CCDC102B: variants seen among roughly 807,000 people sequenced by gnomAD.
The protein encoded by CCDC102B is coiled-coil domain containing 102B.
CCDC102B carries 75 observed loss-of-function variants against 57.4 expected under a neutral mutation model. The ratio of observed to expected loss-of-function variants is 1.31; its 90% confidence interval spans 1.08 to 1.58. The LOEUF (loss-of-function observed/expected upper bound fraction) is 1.58. Ranked by LOEUF, CCDC102B falls within the 40% of genes most tolerant of loss-of-function variation. The probability of loss-of-function intolerance (pLI) is 0.00; values close to 1 mark genes in which losing one functional copy is unlikely to be tolerated. For synonymous variants in CCDC102B, 206 were observed against 201.9 expected, an observed-to-expected ratio of 1.02 and a Z score of -0.17; for missense variants, 636 against 582.6, an observed-to-expected ratio of 1.09 and a Z score of -0.94.
intron 6 of CCDC102B, among the ~76,000 whole-genome samples, chr18:68,958,350 T>C (rs2049960733): frequency 6.6e-6 from 1 of 152,218 alleles, no homozygotes; most frequent in Non-Finnish European, 1.5e-5. Flanking sequence ...TTGTCTTTCA[T>C]TCTGTTGATA....
At chr18:68,967,222 G>C (rs17079986) in intron 6 of CCDC102B, among the ~76,000 whole-genome samples, 5 of 152,012 alleles carry the variant, frequency 3.3e-5, no homozygotes, top group Admixed American at 1.3e-4. Flanking sequence ...GAAGCATATA[G>C]AGACTCTCTA....
chr18:68,870,804 G>T (rs1398664375), intron 4 of CCDC102B, among the ~76,000 whole-genome samples: 1 of 152,108 alleles, frequency 6.6e-6, no homozygotes, highest in Non-Finnish European at 1.5e-5. Context: ...GTAGAACTTT[G>T]GAGTCTGCAT....
At chr18:69,053,155 G>A (rs2052749668) in intron 7 of CCDC102B, among the ~76,000 whole-genome samples, 1 of 151,782 alleles carries the variant, frequency 6.6e-6, no homozygotes, top group Non-Finnish European at 1.5e-5. Flanking sequence ...GCATAGTAAT[G>A]CAGTGCTATA....
intron 6 of CCDC102B, among the ~76,000 whole-genome samples, chr18:68,902,015 G>A (rs1366758514): frequency 6.6e-6 from 1 of 152,178 alleles, no homozygotes; most frequent in African/African-American, 2.4e-5. Flanking sequence ...GCTTCCAGGT[G>A]ACACTGATTC....
At chr18:69,030,645 C>T (rs1307656852) in intron 7 of CCDC102B, among the ~76,000 whole-genome samples, 6 of 152,052 alleles carry the variant, frequency 3.9e-5, no homozygotes, top group Non-Finnish European at 7.4e-5. Context: ...TTCTCATTAA[C>T]AAATGAGTAT....
intron 2 of CCDC102B, among the ~76,000 whole-genome samples, chr18:68,779,202 G>A (rs1286832690): frequency 6.6e-6 from 1 of 152,042 alleles, no homozygotes; most frequent in Admixed American, 6.6e-5. Flanking sequence ...GCATACACAC[G>A]TGTTTGTGTT....
chr18:69,053,419 T>C (rs1474234216), intron 7 of CCDC102B, among the ~76,000 whole-genome samples: 1 of 151,730 alleles, frequency 6.6e-6, no homozygotes. Context: ...ACACAAGTTA[T>C]AGTTCAGTGA....
intron 7 of CCDC102B, among the ~76,000 whole-genome samples, chr18:69,017,282 T>A (rs983602782): frequency 7.3e-5 from 11 of 151,396 alleles, no homozygotes; most frequent in Non-Finnish European, 1.3e-4. Context: ...TGCCTGGCTA[T>A]TTTTTTTGTG....
chr18:68,849,446 A>G (rs990528433), intron 4 of CCDC102B, among the ~76,000 whole-genome samples: 1 of 151,986 alleles, frequency 6.6e-6, no homozygotes, highest in Non-Finnish European at 1.5e-5. Context: ...TCCAAACTGG[A>G]TCTCACATCA....
At chr18:68,919,755 T>G (rs1384412510) in intron 6 of CCDC102B, among the ~76,000 whole-genome samples, 2 of 152,202 alleles carry the variant, frequency 1.3e-5, no homozygotes, top group Non-Finnish European at 2.9e-5. Flanking sequence ...CTTTATTTAC[T>G]AAAGGTGGTA....
chr18:68,811,838 G>T (rs2036278470), intron 1 of CCDC102B, among the ~76,000 whole-genome samples: 1 of 152,164 alleles, frequency 6.6e-6, no homozygotes, highest in South Asian at 2.1e-4. Flanking sequence ...GAGGTAGGGA[G>T]AAAAACTGGA....
intron 2 of CCDC102B, among the ~76,000 whole-genome samples, chr18:68,721,850 AAG>A (rs2145186335): frequency 6.6e-6 from 1 of 152,334 alleles, no homozygotes; most frequent in African/African-American, 2.4e-5. Flanking sequence ...GCAAAAGCGA[AAG>A]TAAGTTCTGA....
intron 6 of CCDC102B, among the ~76,000 whole-genome samples, chr18:68,928,302 A>G (rs564629371): frequency 8.6e-5 from 13 of 151,994 alleles, no homozygotes; most frequent in Non-Finnish European, 1.3e-4. Flanking sequence ...GTGGCAAACA[A>G]TCTTATGGGA....
At chr18:68,910,925 A>G (rs1044032493) in intron 6 of CCDC102B, among the ~76,000 whole-genome samples, 9 of 72,364 alleles carry the variant, frequency 1.2e-4, no homozygotes, top group Middle Eastern at 7.1e-3. Flanking sequence ...AAAAGGGGGA[A>G]AAAAAAAAAA....
intron 6 of CCDC102B, among the ~76,000 whole-genome samples, chr18:68,960,518 C>T (rs1568355369): frequency 1.3e-5 from 2 of 152,242 alleles, no homozygotes; most frequent in South Asian, 2.1e-4. Context: ...ATCCCAGTGG[C>T]GTTTCACGGA....
At position 69,011,000 on chromosome 18, in the gene CCDC102B, C is replaced by G. The variant is rs372067014; in HGVS notation, c.1330C>G (p.Leu444Val). ...NRQYQANIAE[L>V]THANNRVDQN... is the part of the protein sequence containing the mutation. ...ACAATACCAGGCAAATATTGCAGAA[C>G]TGACTCATGCAAACAACCGAGTGGA... Residue 444 changes from leucine to valine, a missense_variant, in exon 7 of 8, where the codon CTG becomes GTG. Coordinates refer to ENST00000360242, the MANE Select transcript of CCDC102B (RefSeq NM_024781.3). 4 of 1,613,554 alleles carry G rather than the reference C, an allele frequency of 2.5e-6. No homozygotes were observed. The highest frequency in any genetic ancestry group is 2.2e-5 in the East Asian group (1 of 44,862).
chr18:68,765,324 G>GAAAGAAAGAAAAGAAAGAAA (rs2034407001), intron 2 of CCDC102B, among the ~76,000 whole-genome samples: 2 of 60,332 alleles, frequency 3.3e-5, no homozygotes, highest in African/African-American at 1.2e-4. Context: ...AAGGAAGGAA[G>GAAAGAAAGAAAAGAAAGAAA]GAAAGAAAGA....
intron 6 of CCDC102B, among the ~76,000 whole-genome samples, chr18:68,919,058 G>A (rs1315306508): frequency 6.6e-6 from 1 of 151,948 alleles, no homozygotes; most frequent in Non-Finnish European, 1.5e-5. Flanking sequence ...TTCTGTATCT[G>A]TGTTGAAGAA....
At chr18:68,939,162 A>G (rs927963030) in intron 6 of CCDC102B, among the ~76,000 whole-genome samples, 2 of 151,820 alleles carry the variant, frequency 1.3e-5, no homozygotes, top group African/African-American at 4.8e-5. Context: ...AATACATATG[A>G]ATACTAAACA....
Sources: allele counts gnomAD v4.1 joint callset (sites outside exome capture counted in the v4.1 genomes callset), GRCh38; gene constraint gnomAD v4.1.1; transcripts MANE v1.5; gene names NCBI Gene and HGNC (gene_info 2026-07-23, HGNC 2026-07-21).